SLC4A10: variants seen among roughly 807,000 people sequenced by gnomAD.
SLC4A10 encodes sodium-driven chloride bicarbonate exchanger.
SLC4A10 carries 42 observed loss-of-function variants against 137.7 expected under a neutral mutation model. That is an observed-to-expected ratio of 0.30 (90% CI 0.24 to 0.39). The LOEUF is 0.39. Among genes scored for constraint, SLC4A10 ranks in the 10% least tolerant of loss-of-function variants. The probability of loss-of-function intolerance (pLI) is 1.00; values close to 1 mark genes in which losing one functional copy is unlikely to be tolerated. For missense variants in SLC4A10, 925 were observed against 1,355.0 expected (o/e 0.68, Z 4.98); for synonymous variants, 474 against 464.1 (o/e 1.02, Z -0.27).
At chr2:161,832,149 A>T (rs989243917) in intron 3 of SLC4A10, among the ~76,000 whole-genome samples, 3 of 152,206 alleles carry the variant, frequency 2.0e-5, no homozygotes, top group Non-Finnish European at 2.9e-5. Context: ...CCCCTGTCAC[A>T]TATCCCGCTA....
chr2:161,816,064 T>C (rs2057028012), intron 3 of SLC4A10, among the ~76,000 whole-genome samples: 1 of 152,154 alleles, frequency 6.6e-6, no homozygotes, highest in South Asian at 2.1e-4. Context: ...TCAGTTTATT[T>C]GCTATAATAA....
At chr2:161,752,146 A>G (rs1032713398) in intron 1 of SLC4A10, among the ~76,000 whole-genome samples, 1 of 151,996 alleles carries the variant, frequency 6.6e-6, no homozygotes, top group Non-Finnish European at 1.5e-5. Flanking sequence ...TTAATTTCCA[A>G]AAAGGAAGTA....
intron 1 of SLC4A10, among the ~76,000 whole-genome samples, chr2:161,627,023 T>C (rs537218579): frequency 6.6e-6 from 1 of 152,146 alleles, no homozygotes; most frequent in South Asian, 2.1e-4. Flanking sequence ...AGTTATAAGT[T>C]ACAGTTTCTT....
chr2:161,914,848 T>C (rs1466861372), intron 15 of SLC4A10, among the ~76,000 whole-genome samples: 1 of 152,048 alleles, frequency 6.6e-6, no homozygotes, highest in Non-Finnish European at 1.5e-5. Flanking sequence ...TAAGATTAAA[T>C]GAAGTCATAT....
At chr2:161,970,380 T>G (rs894091815) in intron 23 of SLC4A10, among the ~76,000 whole-genome samples, 3 of 152,204 alleles carry the variant, frequency 2.0e-5, no homozygotes, top group African/African-American at 7.2e-5. Context: ...AAAATAACAC[T>G]TATGGTTTTC....
intron 1 of SLC4A10, among the ~76,000 whole-genome samples, chr2:161,690,976 T>G (rs1476195023): frequency 1.3e-5 from 2 of 151,796 alleles, no homozygotes; most frequent in Non-Finnish European, 2.9e-5. Flanking sequence ...AAAAAGAAAT[T>G]TGAAAGTGGT....
chr2:161,698,607 G>T (rs548680083), intron 1 of SLC4A10, among the ~76,000 whole-genome samples: 1 of 152,070 alleles, frequency 6.6e-6, no homozygotes, highest in Non-Finnish European at 1.5e-5. Flanking sequence ...GCTGGATTAC[G>T]TTTACTGATT....
Position 161,950,697 on chromosome 2 carries a change from A to G in SLC4A10, c.2390A>G (p.Asp797Gly). Residue 797 changes from aspartate to glycine, a missense_variant, in exon 19 of 27, where the codon GAT becomes GGT. Asp to Gly is a moderately conservative substitution (Grantham distance 94). Coordinates refer to ENST00000446997, the MANE Select transcript of SLC4A10 (RefSeq NM_001178015.2). ...QVPSVFKPTR[D>G]DRGWFVTPLG... Reference sequence around the variant, plus strand: ...CTTTACTTTATACAGCCCACTAGAGATGATCGTGGCTGGTTTGTTACGCCT... The same window carrying G: ...CTTTACTTTATACAGCCCACTAGAGGTGATCGTGGCTGGTTTGTTACGCCT... The G allele has an allele frequency of 1.3e-6, 2 of 1,587,232 alleles. No individual in the cohort carries two copies. Among genetic ancestry groups the G allele is most frequent in the East Asian group, 2.3e-5 (1 of 44,008 alleles).
intron 1 of SLC4A10, among the ~76,000 whole-genome samples, chr2:161,757,391 G>C (rs1373567324): frequency 1.3e-5 from 2 of 151,986 alleles, no homozygotes; most frequent in Non-Finnish European, 2.9e-5. Flanking sequence ...TTTGAAGTGG[G>C]GATCAAAATA....
At chr2:161,919,229 C>T (rs1687694587) in intron 15 of SLC4A10, among the ~76,000 whole-genome samples, 1 of 152,140 alleles carries the variant, frequency 6.6e-6, no homozygotes, top group South Asian at 2.1e-4. Flanking sequence ...TGGCTTGGTG[C>T]AGGCCTGCTG....
chr2:161,830,615 C>T (rs1280175842), intron 3 of SLC4A10, among the ~76,000 whole-genome samples: 2 of 151,668 alleles, frequency 1.3e-5, no homozygotes, highest in African/African-American at 2.4e-5. Flanking sequence ...CCCTACTTTA[C>T]CCAGAAAGCT....
intron 3 of SLC4A10, among the ~76,000 whole-genome samples, chr2:161,819,022 C>G (rs1320963947): frequency 6.6e-6 from 1 of 152,070 alleles, no homozygotes; most frequent in African/African-American, 2.4e-5. Flanking sequence ...CCTTCTTTTT[C>G]TATCGATTGG....
intron 1 of SLC4A10, among the ~76,000 whole-genome samples, chr2:161,755,676 A>G (rs1286963160): frequency 6.6e-6 from 1 of 151,970 alleles, no homozygotes; most frequent in African/African-American, 2.4e-5. Flanking sequence ...CACAATTCCA[A>G]TATCTTCATC....
intron 1 of SLC4A10, among the ~76,000 whole-genome samples, chr2:161,629,434 G>A (rs542956627): frequency 1.3e-5 from 2 of 151,036 alleles, no homozygotes; most frequent in South Asian, 2.1e-4. Flanking sequence ...ATATAGGTTC[G>A]CAGCAATATT....
intron 2 of SLC4A10, among the ~76,000 whole-genome samples, chr2:161,788,613 C>A (rs2053884478): frequency 6.6e-6 from 1 of 152,102 alleles, no homozygotes; most frequent in Admixed American, 6.5e-5. Flanking sequence ...AGACATTGTT[C>A]TTTGGCTCCC....
At chr2:161,926,386 GTTTTT>G (rs1174458600) in intron 15 of SLC4A10, among the ~76,000 whole-genome samples, 19 of 22,938 alleles carry the variant, frequency 8.3e-4, no homozygotes, top group African/African-American at 1.8e-3. Flanking sequence ...CCTTTTTTTG[GTTTTT>G]TTTTTTTTTT....
intron 5 of SLC4A10, among the ~76,000 whole-genome samples, chr2:161,860,691 C>T (rs746597865): frequency 3.9e-5 from 6 of 152,116 alleles, no homozygotes; most frequent in Non-Finnish European, 8.8e-5. Flanking sequence ...TAGTATCACA[C>T]ATTTTCAGAA....
At chr2:161,681,253 T>G (rs143820919) in intron 1 of SLC4A10, among the ~76,000 whole-genome samples, 66 of 152,292 alleles carry the variant, frequency 4.3e-4, no homozygotes, top group African/African-American at 1.4e-3. Flanking sequence ...AATTCCTCAT[T>G]GCCACCATTT....
At chr2:161,730,274 T>C (rs986765219) in intron 1 of SLC4A10, among the ~76,000 whole-genome samples, 4 of 152,056 alleles carry the variant, frequency 2.6e-5, no homozygotes, top group African/African-American at 9.7e-5. Context: ...ATTTAAAATA[T>C]CATCAAACAG....
Sources: allele counts gnomAD v4.1 joint callset (sites outside exome capture counted in the v4.1 genomes callset), GRCh38; gene constraint gnomAD v4.1.1; transcripts MANE v1.5; gene names NCBI Gene and HGNC (gene_info 2026-07-23, HGNC 2026-07-21).